The following BBOX1 variants were observed in gnomAD, a reference collection of about 807,000 sequenced individuals.
The protein encoded by BBOX1 is gamma-butyrobetaine hydroxylase 1, also known as gamma-butyrobetaine dioxygenase.
BBOX1 carries 35 observed loss-of-function variants against 41.6 expected under a neutral mutation model. That is an observed-to-expected ratio of 0.84 (90% CI 0.64 to 1.11). The LOEUF is 1.11. Ranked by LOEUF, BBOX1 falls within the 50% of genes most tolerant of loss-of-function variation. BBOX1 has a pLI of 0.00. For synonymous variants in BBOX1, 163 were observed against 154.7 expected (o/e 1.05, Z -0.40); for missense variants, 458 against 460.6 (o/e 0.99, Z 0.05).
At chr11:27,056,135 T>G (rs1446232998) in intron 3 of BBOX1, among the ~76,000 whole-genome samples, 2 of 152,214 alleles carry the variant, frequency 1.3e-5, no homozygotes, top group Non-Finnish European at 2.9e-5. Flanking sequence ...ATAATAGTAG[T>G]ACCTTCCCCC....
chr11:27,088,379 A>G (rs889983182), intron 4 of BBOX1, among the ~76,000 whole-genome samples: 9 of 152,114 alleles, frequency 5.9e-5, no homozygotes, highest in African/African-American at 2.2e-4. Flanking sequence ...AGTGGCACAT[A>G]CTAAAGAAGA....
chr11:27,086,340 C>T (rs1858039676), intron 4 of BBOX1, among the ~76,000 whole-genome samples: 1 of 152,082 alleles, frequency 6.6e-6, no homozygotes, highest in East Asian at 1.9e-4. Flanking sequence ...CAGCTATTGA[C>T]TTTAAGTTGA....
Position 27,055,517 on chromosome 11 carries a change from C to T in BBOX1, c.87C>T (p.Tyr29=). ...ILWYDEEESL[Y]PAVWLRDNCP... is the part of the protein sequence containing the mutation. ...GGTATGATGAGGAAGAGTCTCTCTA[C>T]CCAGCTGTATGGTTGAGAGACAACT... The change falls in exon 3 of 9, where the codon TAC becomes TAT. Residue 29 remains tyrosine (Y), a synonymous_variant. Coordinates refer to ENST00000263182, the MANE Select transcript of BBOX1 (RefSeq NM_003986.3). 6.2e-7 allele frequency: 1 copy of T among 1,614,168 alleles called. No individual in the cohort carries two copies. The highest frequency in any genetic ancestry group is 1.7e-5 in the Admixed American group (1 of 60,022).
chr11:27,043,316 G>A (rs1851393530), intron 2 of BBOX1, among the ~76,000 whole-genome samples: 1 of 151,208 alleles, frequency 6.6e-6, no homozygotes, highest in Non-Finnish European at 1.5e-5. Flanking sequence ...ACCCACCTCA[G>A]CCTCCCAAAG....
At chr11:27,049,595 T>C (rs2133949543) in intron 2 of BBOX1, among the ~76,000 whole-genome samples, 1 of 152,206 alleles carries the variant, frequency 6.6e-6, no homozygotes, top group South Asian at 2.1e-4. Flanking sequence ...GTTGAGTTGT[T>C]TGAATTCCTC....
intron 4 of BBOX1, among the ~76,000 whole-genome samples, chr11:27,076,116 C>T (rs1456934140): frequency 1.3e-5 from 2 of 152,214 alleles, no homozygotes; most frequent in African/African-American, 2.4e-5. Flanking sequence ...GAGAACCAGA[C>T]TACTGTGAAT....
chr11:27,114,667 A>C (rs946628224), intron 5 of BBOX1, among the ~76,000 whole-genome samples: 1 of 151,862 alleles, frequency 6.6e-6, no homozygotes, highest in Non-Finnish European at 1.5e-5. Context: ...CCTCTTTAAC[A>C]AATTGTTCTG....
intron 4 of BBOX1, among the ~76,000 whole-genome samples, chr11:27,069,276 C>T (rs1590182386): frequency 6.6e-6 from 1 of 152,028 alleles, no homozygotes; most frequent in South Asian, 2.1e-4. Context: ...TTGTAGTTCT[C>T]CTTAGAGAGA....
At chr11:27,077,346 A>T (rs1857667410) in intron 4 of BBOX1, among the ~76,000 whole-genome samples, 1 of 152,086 alleles carries the variant, frequency 6.6e-6, no homozygotes, top group African/African-American at 2.4e-5. Context: ...GCCTTTCCCC[A>T]TCGGCTGCAT....
At chr11:27,078,754 T>C (rs893648673) in intron 4 of BBOX1, among the ~76,000 whole-genome samples, 2 of 152,174 alleles carry the variant, frequency 1.3e-5, no homozygotes, top group Non-Finnish European at 2.9e-5. Flanking sequence ...GCTTCACTCA[T>C]GAAATAACAT....
In BBOX1 at chr11:27,119,835, A is replaced by G. The variant is rs746586751; in HGVS notation, c.826A>G (p.Lys276Glu). ...TGATTTTTCTGTACAATCAAAACAT[A>G]AAATTATAGAGTAAGTACTATTTAT... ...YCDFSVQSKHKIIELDDKGQV... is the reference protein window; with the variant it reads ...YCDFSVQSKHEIIELDDKGQV... Residue 276 changes from lysine to glutamate, a missense_variant, in exon 7 of 9, where the codon AAA (lysine) becomes GAA (glutamate). By Grantham distance (56) the Lys-to-Glu change is moderately conservative (BLOSUM62 1). Transcript: ENST00000263182. 4.0e-6 allele frequency: 6 copies of G among 1,506,494 alleles called. No individual in the cohort carries two copies. Among genetic ancestry groups the G allele is most frequent in the Non-Finnish European group, 4.5e-6 (5 of 1,122,644 alleles). The allele number at this position is 1,506,494 out of a possible 1,614,324, so 93.3% of individuals were successfully genotyped here.
intron 5 of BBOX1, among the ~76,000 whole-genome samples, chr11:27,104,985 T>C (rs1858810750): frequency 6.6e-6 from 1 of 152,202 alleles, no homozygotes; most frequent in Non-Finnish European, 1.5e-5. Context: ...AAACAGGGTC[T>C]GGAGTGGACC....
chr11:27,093,114 C>A, intron 4 of BBOX1, 54 bp from the exon 5 acceptor site: 1 of 1,532,908 alleles, frequency 6.5e-7, no homozygotes, highest in South Asian at 1.1e-5. Flanking sequence ...AGGTTATCGT[C>A]TTATGTAAAA....
At chr11:27,120,187 A>C (rs1264814280) in intron 7 of BBOX1, among the ~76,000 whole-genome samples, 2 of 152,148 alleles carry the variant, frequency 1.3e-5, no homozygotes, top group East Asian at 3.9e-4. Flanking sequence ...TGATCCCAAG[A>C]GTTAAACAAT....
chr11:27,105,615 G>T (rs1442909735), intron 5 of BBOX1, among the ~76,000 whole-genome samples: 1 of 152,146 alleles, frequency 6.6e-6, no homozygotes, highest in Non-Finnish European at 1.5e-5. Context: ...ATCTACTTCT[G>T]ATTGGGGTAC....
At chr11:27,105,184 C>T (rs1858818077) in intron 5 of BBOX1, among the ~76,000 whole-genome samples, 1 of 152,156 alleles carries the variant, frequency 6.6e-6, no homozygotes, top group Non-Finnish European at 1.5e-5. Flanking sequence ...ATCAGAGCAC[C>T]TCTTCCCCTC....
chr11:27,066,347 A>G (rs1857278581), intron 4 of BBOX1: 1 of 152,180 alleles, frequency 6.6e-6, no homozygotes, highest in Admixed American at 6.5e-5. Context: ...TCCAAAAGTA[A>G]AGTTGGAATA....
chr11:27,099,141 C>T (rs1009542745), intron 5 of BBOX1, among the ~76,000 whole-genome samples: 2 of 151,764 alleles, frequency 1.3e-5, no homozygotes, highest in African/African-American at 4.8e-5. Context: ...AAAAGTTAAC[C>T]TCATGGGAAA....
intron 4 of BBOX1, 100 bp downstream of exon 4, chr11:27,057,415 T>C (rs1247207776): frequency 4.5e-6 from 4 of 884,014 alleles, no homozygotes; most frequent in Non-Finnish European, 7.0e-6. Flanking sequence ...TGTGCTTTGA[T>C]TAAAATATGT....
Sources: allele counts gnomAD v4.1 joint callset (sites outside exome capture counted in the v4.1 genomes callset), GRCh38; gene constraint gnomAD v4.1.1; transcripts MANE v1.5; gene names NCBI Gene and HGNC (gene_info 2026-07-23, HGNC 2026-07-21).